Variants in C7orf33 observed in about 807,000 individuals in gnomAD.
C7orf33 encodes the protein chromosome 7 open reading frame 33.
In C7orf33, 15 loss-of-function variants were observed where a neutral mutation model predicts 13.4. The observed-to-expected ratio is 1.12, with a 90% CI of 0.75 to 1.72. The LOEUF (loss-of-function observed/expected upper bound fraction) is 1.72, where lower values mean the gene tolerates loss of function less well. C7orf33 is among the 40% of genes most tolerant of loss of function. The pLI, the probability that C7orf33 is intolerant of heterozygous loss-of-function variation, is 0.00. For synonymous variants in C7orf33, 73 were observed against 83.2 expected, an observed-to-expected ratio of 0.88 and a Z score of 0.67; for missense variants, 187 against 220.3, an observed-to-expected ratio of 0.85 and a Z score of 0.96.
chr7:148,597,847 C>T (rs1204603111), intron 1 of C7orf33, among the ~76,000 whole-genome samples: 1 of 152,126 alleles, frequency 6.6e-6, no homozygotes, highest in Non-Finnish European at 1.5e-5. Context: ...GCTCCGCTTC[C>T]CAGGTTCACG....
chr7:148,591,350 G>T (rs2116884805), intron 1 of C7orf33, among the ~76,000 whole-genome samples: 1 of 152,312 alleles, frequency 6.6e-6, no homozygotes, highest in East Asian at 1.9e-4. Flanking sequence ...ACACTCCACT[G>T]AGTATTCTTG....
intron 1 of C7orf33, among the ~76,000 whole-genome samples, chr7:148,598,668 A>T (rs577465607): frequency 7.2e-6 from 1 of 139,670 alleles, no homozygotes; most frequent in Non-Finnish European, 1.5e-5. Flanking sequence ...ATATATATAT[A>T]CACACACACA....
chr7:148,611,270 T>C (rs759251617), intron 1 of C7orf33, among the ~76,000 whole-genome samples: 3 of 152,102 alleles, frequency 2.0e-5, no homozygotes, highest in Non-Finnish European at 4.4e-5. Context: ...CACTCCTGTT[T>C]TCATGACTGA....
chr7:148,610,150 G>A (rs1013506068), intron 1 of C7orf33, among the ~76,000 whole-genome samples: 1 of 152,244 alleles, frequency 6.6e-6, no homozygotes, highest in Non-Finnish European at 1.5e-5. Flanking sequence ...GAATCACTTT[G>A]TGGGAAGTTT....
chr7:148,598,215 G>A (rs563967763), intron 1 of C7orf33, among the ~76,000 whole-genome samples: 20 of 152,040 alleles, frequency 1.3e-4, no homozygotes, highest in Non-Finnish European at 2.4e-4. Flanking sequence ...CTTATGAAAC[G>A]CATCCATATT....
At chr7:148,612,386 A>C (rs1017482527) in intron 1 of C7orf33, among the ~76,000 whole-genome samples, 10 of 152,248 alleles carry the variant, frequency 6.6e-5, no homozygotes, top group Admixed American at 6.5e-4. Flanking sequence ...AAATGACAAA[A>C]GAAAAAATAG....
chr7:148,591,858 C>T (rs973413513), intron 1 of C7orf33, among the ~76,000 whole-genome samples: 1 of 152,138 alleles, frequency 6.6e-6, no homozygotes, highest in Non-Finnish European at 1.5e-5. Flanking sequence ...CACCCATGCC[C>T]AGCAAGACCT....
chr7:148,613,559 A>G (rs1796569644), intron 1 of C7orf33, among the ~76,000 whole-genome samples: 1 of 152,258 alleles, frequency 6.6e-6, no homozygotes, highest in African/African-American at 2.4e-5. Context: ...GAAAGAATTC[A>G]GTTACAAAAT....
At chr7:148,606,931 A>ATACACAC (rs1554449216) in intron 1 of C7orf33, among the ~76,000 whole-genome samples, 13 of 20,158 alleles carry the variant, frequency 6.4e-4, no homozygotes, top group Non-Finnish European at 2.2e-4. Flanking sequence ...TTAAAAAAAA[A>ATACACAC]ATACACACAC....
At position 148,609,103 on chromosome 7, in the gene C7orf33, G is replaced by GA. The variant is rs59392988; in HGVS notation, c.205-4920dup. Among the ~76,000 whole-genome samples the GA allele has an allele frequency of 5.3e-3, 695 of 131,346 alleles. 2 individuals carry two copies. The highest frequency in any genetic ancestry group is 0.015 in the East Asian group (69 of 4,564). 86.2% of individuals were successfully genotyped at this position (131,346 alleles called of 152,430 possible). ...TTTCACGTTGCAAAGACGTTATTTTGAAAAAAAAAAAAAAAAAAATCAGGC... is the reference window on the plus strand; with the variant it reads ...TTTCACGTTGCAAAGACGTTATTTTGAAAAAAAAAAAAAAAAAAAATCAGGC... On this transcript the variant is annotated intron_variant, in intron 1 of 2. Transcript: ENST00000307003.
At chr7:148,598,835 A>G (rs540943898) in intron 1 of C7orf33, among the ~76,000 whole-genome samples, 1 of 140,438 alleles carries the variant, frequency 7.1e-6, no homozygotes, top group Non-Finnish European at 1.5e-5. Flanking sequence ...ATATCCAGGA[A>G]TGAAATTATT....
intron 1 of C7orf33, among the ~76,000 whole-genome samples, chr7:148,608,667 A>G (rs1034908944): frequency 2.5e-4 from 38 of 150,524 alleles, no homozygotes; most frequent in African/African-American, 9.3e-4. Context: ...ATGCAATAAT[A>G]AGCCAGGCGT....
chr7:148,598,948 C>T (rs899240129), intron 1 of C7orf33, among the ~76,000 whole-genome samples: 15 of 151,800 alleles, frequency 9.9e-5, no homozygotes, highest in African/African-American at 2.4e-4. Flanking sequence ...CTGCAACCTC[C>T]GCCTCCCAGG....
chr7:148,607,926 T>A (rs1346215145), intron 1 of C7orf33, among the ~76,000 whole-genome samples: 1 of 152,206 alleles, frequency 6.6e-6, no homozygotes. Flanking sequence ...AATTGATGAT[T>A]TTTTTCAATT....
At chr7:148,615,261 TA>T in intron 2 of C7orf33, 65 bp from the exon 3 acceptor site, 1 of 1,066,384 alleles carries the variant, frequency 9.4e-7, no homozygotes, top group Non-Finnish European at 1.5e-6. Flanking sequence ...TAAACTGTGC[TA>T]TTGATGTTCT....
intron 1 of C7orf33, among the ~76,000 whole-genome samples, chr7:148,604,407 G>A (rs1278397753): frequency 3.9e-5 from 6 of 152,224 alleles, no homozygotes; most frequent in Non-Finnish European, 7.4e-5. Flanking sequence ...GATTACAGGC[G>A]TGAGCCACCA....
At chr7:148,604,947 A>G (rs1796457265) in intron 1 of C7orf33, among the ~76,000 whole-genome samples, 1 of 152,196 alleles carries the variant, frequency 6.6e-6, no homozygotes, top group Non-Finnish European at 1.5e-5. Context: ...AACTCCTAAT[A>G]GAGGCTGAAC....
At chr7:148,596,126 T>C (rs1288191834) in intron 1 of C7orf33, among the ~76,000 whole-genome samples, 1 of 152,220 alleles carries the variant, frequency 6.6e-6, no homozygotes, top group Non-Finnish European at 1.5e-5. Flanking sequence ...TGTGGACTTA[T>C]ATACTTTTAT....
intron 1 of C7orf33, among the ~76,000 whole-genome samples, chr7:148,591,483 G>C (rs942000875): frequency 1.3e-4 from 20 of 152,204 alleles, no homozygotes; most frequent in African/African-American, 4.8e-4. Context: ...TGGGTCCACA[G>C]GAAGCCTCTA....
Sources: gnomAD v4.1 joint callset for allele counts (sites outside exome capture counted in the v4.1 genomes callset) on GRCh38, gnomAD v4.1.1 for gene constraint, MANE v1.5 for transcripts, NCBI Gene and HGNC (gene_info 2026-07-23, HGNC 2026-07-21) for gene names.